SLFN5: variants seen among roughly 807,000 people sequenced by gnomAD.
SLFN5 encodes the protein schlafen family member 5.
Under a neutral mutation model 48.5 loss-of-function variants are expected in SLFN5, and 34 were observed. The observed-to-expected ratio is 0.70, with a 90% CI of 0.53 to 0.93. The LOEUF (loss-of-function observed/expected upper bound fraction) is 0.93, where lower values mean the gene tolerates loss of function less well. Ranked by LOEUF, SLFN5 falls within the 40% of genes least tolerant of loss-of-function variation. SLFN5 has a pLI of 0.00. For missense variants in SLFN5, 1,006 were observed against 1,071.3 expected (o/e 0.94, Z 0.85); for synonymous variants, 387 against 396.2 (o/e 0.98, Z 0.28).
At chr17:35,252,813 T>C (rs1274808242) in intron 1 of SLFN5, among the ~76,000 whole-genome samples, 3 of 152,068 alleles carry the variant, frequency 2.0e-5, no homozygotes, top group Non-Finnish European at 4.4e-5. Context: ...AAAATCATAG[T>C]TCCTTAGACA....
chr17:35,250,030 A>G (rs2092438784), intron 1 of SLFN5, among the ~76,000 whole-genome samples: 1 of 152,232 alleles, frequency 6.6e-6, no homozygotes, highest in Admixed American at 6.5e-5. Context: ...AAGGCCTTAT[A>G]TGCAAAGGTC....
At chr17:35,246,609 C>A (rs1452360458) in intron 1 of SLFN5, among the ~76,000 whole-genome samples, 1 of 152,152 alleles carries the variant, frequency 6.6e-6, no homozygotes, top group African/African-American at 2.4e-5. Flanking sequence ...AAACCCAGCA[C>A]TTTGGGAGGC....
At chr17:35,250,531 G>C (rs2092439961) in intron 1 of SLFN5, among the ~76,000 whole-genome samples, 1 of 152,102 alleles carries the variant, frequency 6.6e-6, no homozygotes, top group African/African-American at 2.4e-5. Flanking sequence ...GTGGTGGCGG[G>C]CGCCTGTAGT....
intron 1 of SLFN5, 126 bp from the exon 2 acceptor site, chr17:35,258,525 G>A: frequency 1.4e-6 from 1 of 710,022 alleles, no homozygotes; most frequent in Non-Finnish European, 2.2e-6. Flanking sequence ...TTTGGGTGGG[G>A]ACACAGTCAA....
chr17:35,255,464 C>T (rs1161115585), intron 1 of SLFN5, among the ~76,000 whole-genome samples: 2 of 152,208 alleles, frequency 1.3e-5, no homozygotes, highest in Non-Finnish European at 2.9e-5. Flanking sequence ...TGCGTGCGCA[C>T]ATGTGCATAC....
rs114805410 is a variant in SLFN5, at chr17:35,254,241, C to T, written c.-40-4410C>T. 9.9e-3 allele frequency among the ~76,000 whole-genome samples: 1,510 copies of T among 152,170 alleles called. 24 individuals are homozygous for T. Among genetic ancestry groups the T allele is most frequent in the African/African-American group, 0.034 (1,399 of 41,494 alleles). ...TCCTAAGTGCCTATGACCAATTCATCCCCTACTCTCCACCCTCTCAGTTTA... is the reference window on the plus strand; with the variant it reads ...TCCTAAGTGCCTATGACCAATTCATTCCCTACTCTCCACCCTCTCAGTTTA... On this transcript the variant is annotated intron_variant, in intron 1 of 4. Coordinates refer to ENST00000299977, the MANE Select transcript of SLFN5 (RefSeq NM_144975.4).
chr17:35,244,041 T>C (rs2092425159), intron 1 of SLFN5, among the ~76,000 whole-genome samples: 2 of 152,128 alleles, frequency 1.3e-5, no homozygotes, highest in African/African-American at 4.8e-5. Flanking sequence ...CCACCAGACT[T>C]CTGGGCGTCA....
chr17:35,264,035 T>C, intron 3 of SLFN5, 148 bp from the exon 4 acceptor site: 1 of 1,029,438 alleles, frequency 9.7e-7, no homozygotes, highest in East Asian at 2.7e-5. Context: ...CCCATCAAAA[T>C]AAGAATTGTT....
intron 1 of SLFN5, among the ~76,000 whole-genome samples, chr17:35,246,091 G>A (rs1392932226): frequency 6.6e-6 from 1 of 152,098 alleles, no homozygotes; most frequent in Non-Finnish European, 1.5e-5. Flanking sequence ...AACGACTAAT[G>A]ATGTTGAGCA....
chr17:35,258,462 C>G (rs562744275), intron 1 of SLFN5, among the ~76,000 whole-genome samples, 189 bp from the exon 2 acceptor site: 2 of 152,110 alleles, frequency 1.3e-5, no homozygotes, highest in Non-Finnish European at 2.9e-5. Flanking sequence ...TATCTCCCAC[C>G]GGCTTCCTCC....
At chr17:35,246,326 C>T (rs1007075020) in intron 1 of SLFN5, among the ~76,000 whole-genome samples, 1 of 151,958 alleles carries the variant, frequency 6.6e-6, no homozygotes, top group Non-Finnish European at 1.5e-5. Context: ...TTCAGGAGTA[C>T]TTGTGCCTGA....
At chr17:35,254,242 C>T (rs2092449710) in intron 1 of SLFN5, among the ~76,000 whole-genome samples, 1 of 152,022 alleles carries the variant, frequency 6.6e-6, no homozygotes, top group South Asian at 2.1e-4. Context: ...CCAATTCATC[C>T]CCTACTCTCC....
rs568698079 is a variant in SLFN5 at position 35,264,085 on chromosome 17, T to C, written c.1139-98T>C. 230 of 1,395,110 alleles carry C rather than the reference T, an allele frequency of 1.6e-4. 2 individuals carry two copies. In the East Asian group the frequency reaches 4.5e-3, roughly 27 times the overall value. 86.4% of individuals were successfully genotyped at this position (1,395,110 alleles called of 1,614,324 possible). ...TAATGTATAACCTATTGTAGATACA[T>C]AGTAGAGTCCCAGTGTTGATTAATT... is the stretch of plus-strand genomic sequence containing the variant. On this transcript the variant is annotated intron_variant, in intron 3 of 4. Transcript: ENST00000299977.
At position 35,270,082 on chromosome 17, in the gene SLFN5, C is replaced by G. The variant is rs1040624791; in HGVS notation, c.*4194C>G. On this transcript the variant is annotated 3_prime_UTR_variant, in exon 5 of 5. Transcript: ENST00000299977. The stretch of plus-strand genomic sequence containing the variant: ...TTTTCTTTTGTTCAAGTGAAATAAA[C>G]ATAAAAATAATTTTAAAATATTATG... 4 of 152,130 alleles carry G rather than the reference C, an allele frequency of 2.6e-5. No individual in the cohort carries two copies. The highest frequency in any genetic ancestry group is 9.6e-5 in the African/African-American group (4 of 41,550). 9.4% of individuals were successfully genotyped at this position (152,130 alleles called of 1,614,324 possible). A position where few individuals can be genotyped will look rare whatever the true frequency, so the allele number is the denominator to read the frequency against.
Position 35,265,305 on chromosome 17 carries a change from C to G in SLFN5, c.2093C>G (p.Pro698Arg), listed in dbSNP as rs368638285. The G allele has an allele frequency of 1.5e-5, 25 of 1,614,066 alleles. No individual in the cohort carries two copies. The highest frequency in any genetic ancestry group is 1.9e-5 in the Non-Finnish European group (23 of 1,180,044). Reference sequence around the variant, plus strand: ...CACTTGAGTTGCAGTGGCCTCCCCCCTCCCTCAGACCAGTATCCAAGAGAA... The same window carrying G: ...CACTTGAGTTGCAGTGGCCTCCCCCGTCCCTCAGACCAGTATCCAAGAGAA... ...TYHLSCSGLP[P>R]PSDQYPREEI... Residue 698 changes from proline (P) to arginine (R), a missense_variant, in exon 5 of 5, where the codon CCT becomes CGT. Coordinates refer to ENST00000299977, the MANE Select transcript of SLFN5 (RefSeq NM_144975.4).
chr17:35,254,179 C>T (rs1173264892), intron 1 of SLFN5, among the ~76,000 whole-genome samples: 1 of 152,130 alleles, frequency 6.6e-6, no homozygotes, highest in Non-Finnish European at 1.5e-5. Context: ...TTTATTTTAA[C>T]TTAGCATTAT....
At position 35,265,125 on chromosome 17, in the gene SLFN5, A is replaced by T; in HGVS notation, c.1913A>T (p.Asn638Ile). The change falls in exon 5 of 5, where the codon AAC becomes ATC. Residue 638 changes from asparagine (N) to isoleucine (I), a missense_variant. Physicochemically the swap from Asn to Ile is moderately radical, Grantham distance 149 (BLOSUM62 -3). Transcript: ENST00000299977. ...GTGACCCGGAAAACCTTCATGAAAA[A>T]CAACTTTGAACACATCCAGCACATT... The part of the protein sequence containing the change: ...QPVTRKTFMK[N>I]NFEHIQHIII... 1 of 1,613,506 alleles carries T rather than the reference A, an allele frequency of 6.2e-7. No homozygotes were observed. Among genetic ancestry groups the T allele is most frequent in the Non-Finnish European group, 8.5e-7 (1 of 1,179,904 alleles).
chr17:35,251,222 C>A (rs35435622), intron 1 of SLFN5, among the ~76,000 whole-genome samples: 11,269 of 152,180 alleles, frequency 0.074, 1,013 homozygotes, highest in African/African-American at 0.2. Context: ...ACCATGAAAA[C>A]CCCATTATTT....
intron 3 of SLFN5, among the ~76,000 whole-genome samples, chr17:35,262,673 G>A (rs986133435): frequency 2.0e-5 from 3 of 151,998 alleles, no homozygotes; most frequent in Non-Finnish European, 2.9e-5. Context: ...GACCAGCCTA[G>A]GCAACATGGT....
Sources: allele counts gnomAD v4.1 joint callset (sites outside exome capture counted in the v4.1 genomes callset), GRCh38; gene constraint gnomAD v4.1.1; transcripts MANE v1.5; gene names NCBI Gene and HGNC (gene_info 2026-07-23, HGNC 2026-07-21).